LRBA: variants seen among roughly 807,000 people sequenced by gnomAD.
LRBA encodes lipopolysaccharide-responsive and beige-like anchor protein.
Under a neutral mutation model 330.0 loss-of-function variants are expected in LRBA, and 176 were observed. The observed-to-expected ratio is 0.53, with a 90% CI of 0.47 to 0.60. The LOEUF is 0.60. LRBA is among the 20% of genes least tolerant of loss of function. The pLI, the probability that LRBA is intolerant of heterozygous loss-of-function variation, is 0.00. For synonymous variants in LRBA, 1,230 were observed against 1,193.0 expected, an observed-to-expected ratio of 1.03 and a Z score of -0.64; for missense variants, 3,259 against 3,444.8, an observed-to-expected ratio of 0.95 and a Z score of 1.35.
intron 32 of LRBA, among the ~76,000 whole-genome samples, chr4:150,808,076 A>C (rs1464176595): frequency 6.6e-6 from 1 of 152,234 alleles, no homozygotes; most frequent in Non-Finnish European, 1.5e-5. Context: ...TACCACAAAT[A>C]GTCACTTCTC....
intron 47 of LRBA, among the ~76,000 whole-genome samples, chr4:150,369,231 A>AC (rs1739910111): frequency 6.6e-6 from 1 of 152,156 alleles, no homozygotes; most frequent in Admixed American, 6.5e-5. Flanking sequence ...ATGTCTTTTA[A>AC]CTATCTCATT....
At chr4:150,832,034 T>TA (rs1747278942) in intron 28 of LRBA, 58 bp from the exon 29 acceptor site, 1 of 1,044,360 alleles carries the variant, frequency 9.6e-7, no homozygotes, top group Non-Finnish European at 1.3e-6. Context: ...TCATTATATT[T>TA]TACATCACAA....
chr4:150,776,688 C>A (rs1240763629), intron 34 of LRBA, among the ~76,000 whole-genome samples: 1 of 151,890 alleles, frequency 6.6e-6, no homozygotes, highest in East Asian at 1.9e-4. Context: ...TGGCGGGCAC[C>A]CATAATCCCA....
intron 46 of LRBA, among the ~76,000 whole-genome samples, chr4:150,421,576 A>G (rs1262845685): frequency 1.3e-5 from 2 of 152,130 alleles, no homozygotes; most frequent in African/African-American, 4.8e-5. Context: ...TTTGTTTAAC[A>G]GAGAGCTTCA....
At chr4:150,770,783 T>C (rs2126528596) in intron 34 of LRBA, among the ~76,000 whole-genome samples, 1 of 152,236 alleles carries the variant, frequency 6.6e-6, no homozygotes, top group Non-Finnish European at 1.5e-5. Flanking sequence ...CCTAATAGGG[T>C]GACCCAAAGC....
chr4:150,399,988 T>C (rs1745251323), intron 47 of LRBA, among the ~76,000 whole-genome samples: 1 of 151,364 alleles, frequency 6.6e-6, no homozygotes, highest in Non-Finnish European at 1.5e-5. Flanking sequence ...AAACAATCAA[T>C]CAATCAATCA....
intron 47 of LRBA, among the ~76,000 whole-genome samples, chr4:150,399,706 T>C (rs1745212921): frequency 6.6e-6 from 1 of 152,098 alleles, no homozygotes; most frequent in African/African-American, 2.4e-5. Flanking sequence ...CTGGATGGCG[T>C]GGTGGCTTAT....
intron 37 of LRBA, among the ~76,000 whole-genome samples, chr4:150,681,198 CTAA>C (rs1783027739): frequency 6.6e-6 from 1 of 152,198 alleles, no homozygotes; most frequent in Non-Finnish European, 1.5e-5. Context: ...TGATTTCTCT[CTAA>C]TGCCATTTAT....
chr4:150,865,381 G>A (rs903313016), intron 22 of LRBA, among the ~76,000 whole-genome samples: 1 of 152,170 alleles, frequency 6.6e-6, no homozygotes, highest in Admixed American at 6.6e-5. Context: ...CTTATAGTGT[G>A]AAAGTAGCCA....
At chr4:150,711,912 T>C (rs1209046744) in intron 36 of LRBA, among the ~76,000 whole-genome samples, 1 of 152,190 alleles carries the variant, frequency 6.6e-6, no homozygotes, top group African/African-American at 2.4e-5. Flanking sequence ...GGGTCTCTTC[T>C]GAATTCAAAA....
intron 37 of LRBA, among the ~76,000 whole-genome samples, chr4:150,676,430 C>T (rs1025113806): frequency 6.6e-6 from 1 of 151,984 alleles, no homozygotes; most frequent in Non-Finnish European, 1.5e-5. Context: ...TTCTACAGTG[C>T]CAAAATGTGC....
chr4:150,472,327 A>G (rs1216206851), intron 42 of LRBA, among the ~76,000 whole-genome samples: 2 of 152,222 alleles, frequency 1.3e-5, no homozygotes, highest in African/African-American at 4.8e-5. Context: ...TACAAAGAGT[A>G]GTGAGAAACA....
chr4:150,748,483 A>T (rs1423253966), intron 35 of LRBA, among the ~76,000 whole-genome samples: 1 of 152,128 alleles, frequency 6.6e-6, no homozygotes, highest in Non-Finnish European at 1.5e-5. Context: ...CCTGGCCAAC[A>T]TGGTGAAACC....
chr4:150,830,837 C>T (rs1217470596), intron 29 of LRBA, among the ~76,000 whole-genome samples: 1 of 145,808 alleles, frequency 6.9e-6, no homozygotes, highest in East Asian at 2.1e-4. Context: ...GATCTCTGCT[C>T]ACTGCAACCT....
chr4:150,639,843 A>ATG (rs1561458333), intron 37 of LRBA, among the ~76,000 whole-genome samples: 2 of 53,904 alleles, frequency 3.7e-5, no homozygotes, highest in African/African-American at 7.9e-5. Context: ...ATATATATAT[A>ATG]TATATATATA....
chr4:150,538,568 TAA>T (rs1764940480), intron 40 of LRBA, among the ~76,000 whole-genome samples: 1 of 151,950 alleles, frequency 6.6e-6, no homozygotes, highest in Non-Finnish European at 1.5e-5. Flanking sequence ...TTCTCATTCA[TAA>T]ATGGGAGTTA....
chr4:150,487,700 A>C (rs1469672495), intron 42 of LRBA, 32 bp downstream of exon 42: 4 of 1,279,936 alleles, frequency 3.1e-6, no homozygotes, highest in Non-Finnish European at 3.4e-6. Flanking sequence ...AAGACACTTT[A>C]CTTTCCCTAA....
intron 44 of LRBA, 42 bp downstream of exon 44, chr4:150,467,631 T>C (rs773659937): frequency 8.3e-7 from 1 of 1,205,136 alleles, no homozygotes; most frequent in Non-Finnish European, 1.2e-6. Context: ...TTTATTTTTA[T>C]ATGCAAGACA....
intron 37 of LRBA, among the ~76,000 whole-genome samples, chr4:150,653,286 C>G (rs1178282364): frequency 6.6e-6 from 1 of 152,082 alleles, no homozygotes; most frequent in Non-Finnish European, 1.5e-5. Context: ...ACATTAAAAC[C>G]TGCCTCCCCA....
Sources: allele counts gnomAD v4.1 joint callset (sites outside exome capture counted in the v4.1 genomes callset), GRCh38; gene constraint gnomAD v4.1.1; transcripts MANE v1.5; gene names NCBI Gene and HGNC (gene_info 2026-07-23, HGNC 2026-07-21).